Variants in SNRNP40 observed in about 807,000 individuals in gnomAD.
SNRNP40 encodes the protein U5 small nuclear ribonucleoprotein 40 kDa protein.
Under a neutral mutation model 45.8 loss-of-function variants are expected in SNRNP40, and 21 were observed. That is an observed-to-expected ratio of 0.46 (90% confidence interval 0.32 to 0.66). The LOEUF is 0.66. Ranked by LOEUF, SNRNP40 falls within the 30% of genes least tolerant of loss-of-function variation. The pLI is 0.03. For synonymous variants in SNRNP40, 142 were observed against 163.8 expected, an observed-to-expected ratio of 0.87 and a Z score of 1.01; for missense variants, 344 against 439.1, an observed-to-expected ratio of 0.78 and a Z score of 1.94.
intron 5 of SNRNP40, among the ~76,000 whole-genome samples, chr1:31,279,691 G>A (rs966630360): frequency 6.6e-6 from 1 of 151,626 alleles, no homozygotes; most frequent in Non-Finnish European, 1.5e-5. Flanking sequence ...AAGTTGCAGT[G>A]AGCCAAGATC....
intron 8 of SNRNP40, among the ~76,000 whole-genome samples, chr1:31,265,310 T>A (rs1362108091): frequency 1.3e-5 from 2 of 152,008 alleles, no homozygotes. Context: ...ATATTTTTTT[T>A]ATAGAGACAG....
intron 4 of SNRNP40, among the ~76,000 whole-genome samples, chr1:31,284,137 C>A (rs1300138880): frequency 6.6e-6 from 1 of 152,084 alleles, no homozygotes; most frequent in Non-Finnish European, 1.5e-5. Flanking sequence ...ATGGGAGGAT[C>A]GCTTGGGCCA....
At chr1:31,263,836 G>C (rs575216274) in intron 8 of SNRNP40, among the ~76,000 whole-genome samples, 1 of 147,062 alleles carries the variant, frequency 6.8e-6, no homozygotes, top group South Asian at 2.1e-4. Flanking sequence ...AGAAACTACA[G>C]AGCTGAACCC....
intron 9 of SNRNP40, among the ~76,000 whole-genome samples, chr1:31,260,348 A>T (rs1645849836): frequency 6.6e-6 from 1 of 152,076 alleles, no homozygotes; most frequent in African/African-American, 2.4e-5. Flanking sequence ...CAGACACTAA[A>T]TACTGACATC....
chr1:31,292,962 T>C (rs1311176842), intron 2 of SNRNP40: 2 of 463,036 alleles, frequency 4.3e-6, no homozygotes, highest in Non-Finnish European at 7.8e-6. Flanking sequence ...GAGATTTGCC[T>C]CTATGAGGAA....
intron 3 of SNRNP40, among the ~76,000 whole-genome samples, chr1:31,291,233 A>G (rs1646105241): frequency 6.8e-6 from 1 of 146,934 alleles, no homozygotes; most frequent in Non-Finnish European, 1.5e-5. Flanking sequence ...GGTTGCAGTG[A>G]GCCGAGATCG....
intron 1 of SNRNP40, 143 bp from the exon 2 acceptor site, chr1:31,293,491 A>T: frequency 1.3e-6 from 1 of 768,180 alleles, no homozygotes; most frequent in Non-Finnish European, 2.0e-6. Context: ...AGCTCTTCTC[A>T]TATGAATGCC....
intron 4 of SNRNP40, among the ~76,000 whole-genome samples, chr1:31,283,291 T>C (rs1050504498): frequency 6.6e-6 from 1 of 152,180 alleles, no homozygotes; most frequent in Non-Finnish European, 1.5e-5. Context: ...ATACAAACTT[T>C]ACAAAATTAG....
rs1029760327 is a variant in SNRNP40 at position 31,267,754 on chromosome 1, C to T, written c.920+117G>A. The T allele has an allele frequency of 4.1e-5, 30 of 727,968 alleles. No individual in the cohort carries two copies. The Admixed American group carries it at 4.6e-4, about 11-fold the overall frequency. The allele number at this position is 727,968 out of a possible 1,614,324, so 45.1% of individuals were successfully genotyped here. A position where few individuals can be genotyped will look rare whatever the true frequency, so the allele number is the denominator to read the frequency against. On this transcript the variant is annotated intron_variant, in intron 8 of 9. Transcript: ENST00000263694. ...TTCTCCATGTTGGTCAGGCTGGTCT[C>T]GAACTGACCTCAGGTGATCTGCCCG...
intron 4 of SNRNP40, among the ~76,000 whole-genome samples, chr1:31,288,668 T>TTTCTC (rs71569977): frequency 3.5e-5 from 1 of 28,796 alleles, no homozygotes; most frequent in Non-Finnish European, 1.1e-4. Context: ...CAGAACAGCC[T>TTTCTC]TTTTTTTTTT....
chr1:31,289,144 T>C (rs1646084212), intron 4 of SNRNP40, 110 bp downstream of exon 4: 1 of 952,278 alleles, frequency 1.1e-6, no homozygotes. Flanking sequence ...TTATGGGAGA[T>C]GACTGCTAAA....
chr1:31,272,318 TAAAATA>T (rs1645944268), intron 5 of SNRNP40, among the ~76,000 whole-genome samples: 1 of 152,154 alleles, frequency 6.6e-6, no homozygotes, highest in Non-Finnish European at 1.5e-5. Context: ...GCACATTTAT[TAAAATA>T]AAAATAAATT....
intron 2 of SNRNP40, 60 bp downstream of exon 2, chr1:31,293,158 TA>T (rs112391814): frequency 0.026 from 26,865 of 1,049,108 alleles, no homozygotes; most frequent in Admixed American, 0.031. Context: ...ACCCAAGATT[TA>T]AAAAAAAAAA....
intron 8 of SNRNP40, among the ~76,000 whole-genome samples, chr1:31,265,736 A>G (rs1645891639): frequency 6.6e-6 from 1 of 152,122 alleles, no homozygotes; most frequent in African/African-American, 2.4e-5. Context: ...GCTACTCGGG[A>G]GTCTGAGGCA....
At chr1:31,274,267 TC>T (rs1557675808) in intron 5 of SNRNP40, among the ~76,000 whole-genome samples, 2 of 152,146 alleles carry the variant, frequency 1.3e-5, no homozygotes, top group Admixed American at 1.3e-4. Flanking sequence ...AGACCGAGTC[TC>T]CCTCTGTTGC....
intron 4 of SNRNP40, among the ~76,000 whole-genome samples, chr1:31,286,017 T>C (rs536708190): frequency 1.3e-5 from 2 of 150,982 alleles, no homozygotes; most frequent in East Asian, 4.9e-4. Flanking sequence ...GCTTATCTTG[T>C]ACTTTCACTG....
intron 4 of SNRNP40, among the ~76,000 whole-genome samples, chr1:31,284,370 G>A (rs530600192): frequency 1.4e-4 from 22 of 152,278 alleles, no homozygotes; most frequent in Admixed American, 1.0e-3. Context: ...GGCTGGTCTC[G>A]AACTCCTGAC....
At chr1:31,294,562 C>T (rs1323506851) in intron 1 of SNRNP40, among the ~76,000 whole-genome samples, 6 of 151,470 alleles carry the variant, frequency 4.0e-5, no homozygotes, top group South Asian at 4.2e-4. Flanking sequence ...TGGGTTCAAG[C>T]GATTCTCCTG....
chr1:31,263,175 C>T (rs1645872452), intron 8 of SNRNP40: 1 of 151,976 alleles, frequency 6.6e-6, no homozygotes, highest in African/African-American at 2.4e-5. Flanking sequence ...AAAAAAACTT[C>T]TACATTTCTC....
Sources: allele counts gnomAD v4.1 joint callset (sites outside exome capture counted in the v4.1 genomes callset), GRCh38; gene constraint gnomAD v4.1.1; transcripts MANE v1.5; gene names NCBI Gene and HGNC (gene_info 2026-07-23, HGNC 2026-07-21).